The following HSPH1 variants were observed in gnomAD, a reference collection of about 807,000 sequenced individuals.
HSPH1 encodes the protein heat shock protein family H (Hsp110) member 1.
HSPH1 carries 40 observed loss-of-function variants against 100.0 expected under a neutral mutation model. The observed-to-expected ratio is 0.40, with a 90% CI of 0.31 to 0.52. HSPH1 has a LOEUF of 0.52. HSPH1 is among the 20% of genes least tolerant of loss of function. The pLI is 0.54. For synonymous variants in HSPH1, 403 were observed against 344.0 expected (o/e 1.17, Z -1.90); for missense variants, 876 against 1,015.1 (o/e 0.86, Z 1.86).
chr13:31,158,394 C>T (rs112400911), intron 2 of HSPH1, among the ~76,000 whole-genome samples: 5 of 151,964 alleles, frequency 3.3e-5, no homozygotes, highest in African/African-American at 1.2e-4. Context: ...ACTAAAAATA[C>T]AAAAACTAGC....
chr13:31,157,302 C>A (rs952820755), intron 2 of HSPH1, among the ~76,000 whole-genome samples: 3 of 152,322 alleles, frequency 2.0e-5, no homozygotes, highest in Middle Eastern at 3.4e-3. Context: ...AGGATTGTTA[C>A]AACTAAAGTC....
intron 14 of HSPH1, among the ~76,000 whole-genome samples, chr13:31,139,526 C>T (rs1403024708): frequency 1.3e-5 from 2 of 151,996 alleles, no homozygotes; most frequent in Non-Finnish European, 2.9e-5. Flanking sequence ...GTCATCTCAA[C>T]TTTAGAGATC....
At position 31,141,191 on chromosome 13, in the gene HSPH1, C is replaced by T; in HGVS notation, c.1785G>A (p.Glu595=). The T allele has an allele frequency of 6.2e-7, 1 of 1,610,728 alleles. No homozygotes were observed. Among genetic ancestry groups the T allele is most frequent in the Non-Finnish European group, 8.5e-7 (1 of 1,177,968 alleles). Reference sequence around the variant, plus strand: ...AGACCAAGTTGGCTTCAATAGGCAGCTCAACATTCACCACCTTTATTTTGG... The same window carrying T: ...AGACCAAGTTGGCTTCAATAGGCAGTTCAACATTCACCACCTTTATTTTGG... ...KKPKIKVVNV[E]LPIEANLVWQ... is the part of the protein sequence containing the mutation. The change falls in exon 13 of 18, where the codon GAG becomes GAA. Residue 595 remains glutamate, a synonymous_variant. Transcript: ENST00000320027.
At chr13:31,161,987 C>A (rs1280643161), upstream of HSPH1, 86 of 1,535,952 alleles carry the variant, frequency 5.6e-5, no homozygotes, top group Non-Finnish European at 7.4e-5. Flanking sequence ...CTCACCGGCG[C>A]CTCCACCGGC....
At chr13:31,153,411 C>G (rs567933664) in intron 4 of HSPH1, among the ~76,000 whole-genome samples, 6 of 152,172 alleles carry the variant, frequency 3.9e-5, no homozygotes, top group Non-Finnish European at 8.8e-5. Context: ...ACATATGCCA[C>G]CACCCTTTCA....
intron 1 of HSPH1, among the ~76,000 whole-genome samples, chr13:31,160,145 T>C (rs1488969171): frequency 6.6e-6 from 1 of 152,206 alleles, no homozygotes. Flanking sequence ...TTTTTCCCAC[T>C]CTCTTCTCTG....
At chr13:31,141,543 C>G (rs900767278) in intron 12 of HSPH1, among the ~76,000 whole-genome samples, 37 of 151,890 alleles carry the variant, frequency 2.4e-4, no homozygotes, top group African/African-American at 8.7e-4. Flanking sequence ...CTTTCTAAGC[C>G]CTTTAAATAT....
chr13:31,152,472 T>G (rs1956523107), intron 5 of HSPH1: 1 of 224,402 alleles, frequency 4.5e-6, no homozygotes, highest in African/African-American at 2.3e-5. Flanking sequence ...CTATCTACAG[T>G]TCAGTAGATA....
chr13:31,154,419 A>T (rs1956603245), intron 4 of HSPH1: 4 of 597,580 alleles, frequency 6.7e-6, no homozygotes, highest in Non-Finnish European at 1.2e-5. Context: ...AAGTCTCACA[A>T]GAGATTTTGA....
rs746571389 is a variant in HSPH1, at chr13:31,137,359, A to G, written c.2536T>C (p.Tyr846His). The G allele has an allele frequency of 8.1e-6, 13 of 1,613,038 alleles. No individual in the cohort carries two copies. The highest frequency in any genetic ancestry group is 1.0e-5 in the Non-Finnish European group (12 of 1,179,370). The change falls in exon 18 of 18, where the codon TAC becomes CAC. Residue 846 changes from tyrosine (Y) to histidine (H), a missense_variant. Physicochemically the swap from Tyr to His is moderately conservative, Grantham distance 83. Transcript: ENST00000320027. The part of the protein sequence containing the change: ...AEPPHQNGEC[Y>H]PNEKNSVNMD... Reference sequence around the variant, plus strand: ...TTAACAGAATTTTTCTCATTAGGGTAACATTCACCATTCTGATGTGGAGGT... The same window carrying G: ...TTAACAGAATTTTTCTCATTAGGGTGACATTCACCATTCTGATGTGGAGGT...
Position 31,141,801 on chromosome 13 carries a change from TAC to T in HSPH1, c.1717-544_1717-543del, listed in dbSNP as rs58627057. Among the ~76,000 whole-genome samples the T allele has an allele frequency of 5.8e-3, 532 of 91,558 alleles. 3 individuals are homozygous for T. Among genetic ancestry groups the T allele is most frequent in the Middle Eastern group, 0.017 (3 of 180 alleles). 60.1% of individuals were successfully genotyped at this position (91,558 alleles called of 152,430 possible). A position where few individuals can be genotyped will look rare whatever the true frequency, so the allele number is the denominator to read the frequency against. On this transcript the variant is annotated intron_variant, in intron 12 of 17. Coordinates refer to ENST00000320027, the MANE Select transcript of HSPH1 (RefSeq NM_006644.4). Reference sequence around the variant, plus strand: ...TATATATATACTCCATACACATACATACACACACACACACACACACACACACA... The same window carrying T: ...TATATATATACTCCATACACATACATACACACACACACACACACACACACA...
At chr13:31,154,818 A>C in intron 3 of HSPH1, 63 bp from the exon 4 acceptor site, 6 of 1,437,922 alleles carry the variant, frequency 4.2e-6, no homozygotes, top group Non-Finnish European at 5.7e-6. Flanking sequence ...CCAATATTTA[A>C]CTTCCAAAAA....
intron 10 of HSPH1, 85 bp downstream of exon 10, chr13:31,147,874 A>G: frequency 8.3e-7 from 1 of 1,199,922 alleles, no homozygotes; most frequent in Non-Finnish European, 1.2e-6. Flanking sequence ...ATTACTAAGA[A>G]TAAGACAACT....
In HSPH1 at chr13:31,138,421, T is replaced by C; in HGVS notation, c.2356A>G (p.Lys786Glu). ...GTAACACTCACCTTGATTTTTGTTT[T>C]AATTTCCTGAGCACGTACAACTGGA... ...QDPVVRAQEI[K>E]TKIKELNNTC... Residue 786 changes from lysine (K) to glutamate (E), a missense_variant, in exon 17 of 18, where the codon AAA (lysine) becomes GAA (glutamate). Physicochemically the swap from Lys to Glu is moderately conservative, Grantham distance 56. Coordinates refer to ENST00000320027, the MANE Select transcript of HSPH1 (RefSeq NM_006644.4). 1.2e-6 allele frequency: 2 copies of C among 1,612,812 alleles called. No homozygotes were observed. Among genetic ancestry groups the C allele is most frequent in the Non-Finnish European group, 1.7e-6 (2 of 1,179,198 alleles).
Position 31,161,732 on chromosome 13 carries a change from G to A in HSPH1, c.-150C>T. On this transcript the variant is annotated 5_prime_UTR_variant, in exon 1 of 18. Transcript: ENST00000320027. ...CCTCTGACACTCAGAAGGACACACA[G>A]ACAGCCGCGGCCTGTCAGGAGCCTC... 4 of 1,533,452 alleles carry A rather than the reference G, an allele frequency of 2.6e-6. No individual in the cohort carries two copies. Among genetic ancestry groups the A allele is most frequent in the African/African-American group, 1.4e-5 (1 of 73,114 alleles). The allele number at this position is 1,533,452 out of a possible 1,614,324, so 95.0% of individuals were successfully genotyped here. A position where few individuals can be genotyped will look rare whatever the true frequency, so the allele number is the denominator to read the frequency against.
chr13:31,156,163 G>C (rs1384089263), intron 2 of HSPH1, among the ~76,000 whole-genome samples: 1 of 152,198 alleles, frequency 6.6e-6, no homozygotes, highest in Non-Finnish European at 1.5e-5. Context: ...GGCCAAGGCG[G>C]GTGGATCACG....
chr13:31,161,004 C>A (rs1314556425), intron 1 of HSPH1, among the ~76,000 whole-genome samples: 1 of 152,242 alleles, frequency 6.6e-6, no homozygotes, highest in East Asian at 1.9e-4. Flanking sequence ...AAAAGGCCGG[C>A]AGCCCCGCTC....
chr13:31,154,696 C>T lies in HSPH1; in HGVS notation c.366G>A (p.Leu122=), dbSNP rs376984336. Residue 122 remains leucine (L), a synonymous_variant, in exon 4 of 18, where the codon TTG becomes TTA. Transcript: ENST00000320027. Reference sequence around the variant, plus strand: ...TTTCAGCAGTTTCCTTCAGCTTAGTCAACAACATGGCTGTTATCTGCTCCA... The same window carrying T: ...TTTCAGCAGTTTCCTTCAGCTTAGTTAACAACATGGCTGTTATCTGCTCCA... ...FSVEQITAML[L]TKLKETAENS... is the part of the protein sequence containing the mutation. 21 of 1,613,706 alleles carry T rather than the reference C, an allele frequency of 1.3e-5. No individual in the cohort carries two copies. Among genetic ancestry groups the T allele is most frequent in the Non-Finnish European group, 1.8e-5 (21 of 1,179,756 alleles).
intron 1 of HSPH1, 28 bp downstream of exon 1, chr13:31,161,448 C>T: frequency 6.2e-7 from 1 of 1,613,130 alleles, no homozygotes; most frequent in South Asian, 1.1e-5. Context: ...GAACCTCCTC[C>T]CATCCACCCT....
Sources: allele counts gnomAD v4.1 joint callset (sites outside exome capture counted in the v4.1 genomes callset), GRCh38; gene constraint gnomAD v4.1.1; transcripts MANE v1.5; gene names NCBI Gene and HGNC (gene_info 2026-07-23, HGNC 2026-07-21).